H2AC21: variants seen among roughly 807,000 people sequenced by gnomAD.
H2AC21 encodes histone H2A type 2-B.
In H2AC21, 3 loss-of-function variants were observed where a neutral mutation model predicts 7.7. The ratio of observed to expected loss-of-function variants is 0.39; its 90% CI spans 0.18 to 1.01. H2AC21 has a LOEUF of 1.01. Among genes scored for constraint, H2AC21 ranks in the 50% least tolerant of loss-of-function variants. The pLI is 0.36. For synonymous variants in H2AC21, 119 were observed against 84.2 expected (o/e 1.41, Z -2.26); for missense variants, 173 against 177.9 (o/e 0.97, Z 0.16).
Position 149,887,965 on chromosome 1 carries a change from G to C in H2AC21, c.-49C>G. 1 of 1,559,878 alleles carries C rather than the reference G, an allele frequency of 6.4e-7. No individual in the cohort carries two copies. Among genetic ancestry groups the C allele is most frequent in the Non-Finnish European group, 8.7e-7 (1 of 1,154,340 alleles). On this transcript the variant is annotated 5_prime_UTR_variant, in exon 1 of 1. Transcript: ENST00000331128. ...CTTCTTTTACAAGGAGAAGAATGTG[G>C]AAAGAATAACCAATTTGATGTAATT... is the stretch of plus-strand genomic sequence containing the variant.
chr1:149,887,677 G>A lies in H2AC21; in HGVS notation c.240C>T (p.Ile80=), dbSNP rs148089352. 439 of 1,614,182 alleles carry A rather than the reference G, an allele frequency of 2.7e-4. No individual in the cohort carries two copies. The highest frequency in any genetic ancestry group is 5.8e-4 in the Admixed American group (35 of 60,018). Residue 80 remains isoleucine, a synonymous_variant, in exon 1 of 1, where the codon ATC becomes ATT. Coordinates refer to ENST00000331128, the MANE Select transcript of H2AC21 (RefSeq NM_175065.3). ...AARDNKKTRI[I]PRHLQLAVRN... ...TCACGGCTAGTTGCAGATGGCGAGGGATGATGCGCGTCTTCTTGTTGTCCC... is the reference window on the plus strand; with the variant it reads ...TCACGGCTAGTTGCAGATGGCGAGGAATGATGCGCGTCTTCTTGTTGTCCC...
chr1:149,887,547 G>C lies in H2AC21; in HGVS notation c.370C>G (p.His124Asp), dbSNP rs2092314653. 1 of 1,613,302 alleles carries C rather than the reference G, an allele frequency of 6.2e-7. No individual in the cohort carries two copies. The highest frequency in any genetic ancestry group is 1.3e-5 in the African/African-American group (1 of 74,808). The change falls in exon 1 of 1, where the codon CAC becomes GAC. Residue 124 changes from histidine (H) to aspartate (D), a missense_variant. His to Asp is a moderately conservative substitution (Grantham distance 81). Coordinates refer to ENST00000331128, the MANE Select transcript of H2AC21 (RefSeq NM_175065.3). ...AATTACTTGTTCTTGCCAGGCTTGT[G>C]ACTCTCCGTTTTCTTGGGCAACAGG... ...AVLLPKKTESHKPGKNK is the reference protein window; with the variant it reads ...AVLLPKKTESDKPGKNK
chr1:149,887,790 G>C lies in H2AC21; in HGVS notation c.127C>G (p.Arg43Gly), dbSNP rs377539347. The change falls in exon 1 of 1, where the codon CGG (arginine) becomes GGG (glycine). Residue 43 changes from arginine (R) to glycine (G), a missense_variant. By Grantham distance (125) the Arg-to-Gly change is moderately radical. Coordinates refer to ENST00000331128, the MANE Select transcript of H2AC21 (RefSeq NM_175065.3). ...RLLRKGNYAE[R>G]VGAGAPVYLA... ...TACACCGGGGCGCCTGCCCCGACCC[G>C]CTCCGCGTAGTTGCCTTTGCGCAGC... is the stretch of plus-strand genomic sequence containing the variant. The C allele has an allele frequency of 6.2e-7, 1 of 1,613,914 alleles. No individual in the cohort carries two copies. The highest frequency in any genetic ancestry group is 1.3e-5 in the African/African-American group (1 of 74,934).
rs782503721 is a variant in H2AC21, at chr1:149,887,517, C to T, written c.*7G>A. On this transcript the variant is annotated 3_prime_UTR_variant, in exon 1 of 1. Transcript: ENST00000331128. The stretch of plus-strand genomic sequence containing the variant: ...GGGGTGAATGAGTATGGTGTCAAGC[C>T]TCTTAATTACTTGTTCTTGCCAGGC... 1 of 1,607,192 alleles carries T rather than the reference C, an allele frequency of 6.2e-7. No individual in the cohort carries two copies. Among genetic ancestry groups the T allele is most frequent in the Non-Finnish European group, 8.5e-7 (1 of 1,175,960 alleles).
rs373976598 is a variant in H2AC21 at position 149,887,501 on chromosome 1, G to A, written c.*23C>T. On this transcript the variant is annotated 3_prime_UTR_variant, in exon 1 of 1. Coordinates refer to ENST00000331128, the MANE Select transcript of H2AC21 (RefSeq NM_175065.3). Reference sequence around the variant, plus strand: ...TCTTAAAAGAGCCTTTGGGGTGAATGAGTATGGTGTCAAGCCTCTTAATTA... The same window carrying A: ...TCTTAAAAGAGCCTTTGGGGTGAATAAGTATGGTGTCAAGCCTCTTAATTA... 1.9e-6 allele frequency: 3 copies of A among 1,593,102 alleles called. No homozygotes were observed. Among genetic ancestry groups the A allele is most frequent in the East Asian group, 2.2e-5 (1 of 44,652 alleles).
At position 149,887,607 on chromosome 1, in the gene H2AC21, C is replaced by T. The variant is rs2092315268; in HGVS notation, c.310G>A (p.Ala104Thr). 2 of 1,614,204 alleles carry T rather than the reference C, an allele frequency of 1.2e-6. No individual in the cohort carries two copies. Among genetic ancestry groups the T allele is most frequent in the Non-Finnish European group, 1.7e-6 (2 of 1,180,032 alleles). ...ATATTGGGCAAGACGCCGCCCTGGG[C>T]AATGGTGACACCCCCGAGTAACTTG... is the stretch of plus-strand genomic sequence containing the variant. The part of the protein sequence containing the change: ...LNKLLGGVTI[A>T]QGGVLPNIQA... Residue 104 changes from alanine to threonine, a missense_variant, in exon 1 of 1, where the codon GCC becomes ACC. Physicochemically the swap from Ala to Thr is moderately conservative, Grantham distance 58. Transcript: ENST00000331128.
In H2AC21 at chr1:149,887,832, C is replaced by T; in HGVS notation, c.85G>A (p.Gly29Arg). The change falls in exon 1 of 1, where the codon GGG (glycine) becomes AGG (arginine). Residue 29 changes from glycine (G) to arginine (R), a missense_variant. Gly to Arg is a moderately radical substitution (Grantham distance 125, BLOSUM62 -2). Coordinates refer to ENST00000331128, the MANE Select transcript of H2AC21 (RefSeq NM_175065.3). The part of the protein sequence containing the change: ...SSRAGLQFPV[G>R]RVHRLLRKGN... ...TTGCGCAGCAAGCGGTGCACTCGCC[C>T]CACCGGGAACTGGAGACCAGCGCGG... is the stretch of plus-strand genomic sequence containing the variant. 1 of 1,614,002 alleles carries T rather than the reference C, an allele frequency of 6.2e-7. No homozygotes were observed.
rs782680378 is a variant in H2AC21 at position 149,887,476 on chromosome 1, T to A, written c.*48A>T. 4.5e-6 allele frequency: 7 copies of A among 1,568,892 alleles called. No individual in the cohort carries two copies. On this transcript the variant is annotated 3_prime_UTR_variant, in exon 1 of 1. Coordinates refer to ENST00000331128, the MANE Select transcript of H2AC21 (RefSeq NM_175065.3). ...GCCCTTCATTTGACACTTTGGTGGC[T>A]CTTAAAAGAGCCTTTGGGGTGAATG... is the stretch of plus-strand genomic sequence containing the variant.
Position 149,887,539 on chromosome 1 carries a change from A to G in H2AC21, c.378T>C (p.Pro126=). 6.2e-7 allele frequency: 1 copy of G among 1,611,428 alleles called. No individual in the cohort carries two copies. Among genetic ancestry groups the G allele is most frequent in the Non-Finnish European group, 8.5e-7 (1 of 1,178,556 alleles). ...LLPKKTESHK[P]GKNK is the part of the protein sequence containing the mutation. The stretch of plus-strand genomic sequence containing the variant: ...AGCCTCTTAATTACTTGTTCTTGCC[A>G]GGCTTGTGACTCTCCGTTTTCTTGG... The change falls in exon 1 of 1, where the codon CCT becomes CCC. Residue 126 remains proline, a synonymous_variant. Transcript: ENST00000331128.
chr1:149,887,537 C>A lies in H2AC21; in HGVS notation c.380G>T (p.Gly127Val). The A allele has an allele frequency of 6.2e-7, 1 of 1,610,744 alleles. No individual in the cohort carries two copies. The highest frequency in any genetic ancestry group is 1.1e-5 in the South Asian group (1 of 90,660). Residue 127 changes from glycine (G) to valine (V), a missense_variant, in exon 1 of 1, where the codon GGC becomes GTC. Gly to Val is a moderately radical substitution (Grantham distance 109, BLOSUM62 -3). Transcript: ENST00000331128. The stretch of plus-strand genomic sequence containing the variant: ...CAAGCCTCTTAATTACTTGTTCTTG[C>A]CAGGCTTGTGACTCTCCGTTTTCTT... Reference protein sequence around the residue: ...LPKKTESHKPGKNK With the variant: ...LPKKTESHKPVKNK
In H2AC21 at chr1:149,887,506, T is replaced by G; in HGVS notation, c.*18A>C. ...AAAGAGCCTTTGGGGTGAATGAGTATGGTGTCAAGCCTCTTAATTACTTGT... is the reference window on the plus strand; with the variant it reads ...AAAGAGCCTTTGGGGTGAATGAGTAGGGTGTCAAGCCTCTTAATTACTTGT... On this transcript the variant is annotated 3_prime_UTR_variant, in exon 1 of 1. Coordinates refer to ENST00000331128, the MANE Select transcript of H2AC21 (RefSeq NM_175065.3). 6.3e-7 allele frequency: 1 copy of G among 1,598,614 alleles called. No homozygotes were observed. Among genetic ancestry groups the G allele is most frequent in the African/African-American group, 1.3e-5 (1 of 74,436 alleles).
Position 149,887,708 on chromosome 1 carries a change from G to C in H2AC21, c.209C>G (p.Ala70Gly). ...TAEILELAGN[A>G]ARDNKKTRII... is the part of the protein sequence containing the mutation. ...GCGCGTCTTCTTGTTGTCCCGAGCC[G>C]CGTTGCCCGCCAGCTCCAGAATTTC... The change falls in exon 1 of 1, where the codon GCG (alanine) becomes GGG (glycine). Residue 70 changes from alanine (A) to glycine (G), a missense_variant. Transcript: ENST00000331128. 5 of 1,614,188 alleles carry C rather than the reference G, an allele frequency of 3.1e-6. No homozygotes were observed. Among genetic ancestry groups the C allele is most frequent in the Non-Finnish European group, 4.2e-6 (5 of 1,180,038 alleles).
chr1:149,887,907 G>C lies in H2AC21; in HGVS notation c.10C>G (p.Arg4Gly). 6.2e-7 allele frequency: 1 copy of C among 1,611,280 alleles called. No individual in the cohort carries two copies. The highest frequency in any genetic ancestry group is 8.5e-7 in the Non-Finnish European group (1 of 1,178,702). Residue 4 changes from arginine (R) to glycine (G), a missense_variant, in exon 1 of 1, where the codon CGC (arginine) becomes GGC (glycine). Physicochemically the swap from Arg to Gly is moderately radical, Grantham distance 125 (BLOSUM62 -2). Transcript: ENST00000331128. ...CGGGCCTTGCCTCCCTGCTTTCCGC[G>C]TCCTGACATTACGGCTAAAATTGCA... MSGRGKQGGKARAK... is the reference protein window; with the variant it reads MSGGGKQGGKARAK...
Position 149,887,838 on chromosome 1 carries a change from G to C in H2AC21, c.79C>G (p.Pro27Ala). The C allele has an allele frequency of 6.2e-7, 1 of 1,614,022 alleles. No homozygotes were observed. ...SRSSRAGLQF[P>A]VGRVHRLLRK... ...AGCAAGCGGTGCACTCGCCCCACCG[G>C]GAACTGGAGACCAGCGCGGGACGAG... The change falls in exon 1 of 1, where the codon CCG (proline) becomes GCG (alanine). Residue 27 changes from proline (P) to alanine (A), a missense_variant. By Grantham distance (27) the Pro-to-Ala change is conservative. Transcript: ENST00000331128.
chr1:149,887,481 A>G lies in H2AC21; in HGVS notation c.*43T>C, dbSNP rs1416621689. 4 of 1,571,262 alleles carry G rather than the reference A, an allele frequency of 2.5e-6. No individual in the cohort carries two copies. Among genetic ancestry groups the G allele is most frequent in the African/African-American group, 2.7e-5 (2 of 72,958 alleles). On this transcript the variant is annotated 3_prime_UTR_variant, in exon 1 of 1. Transcript: ENST00000331128. ...TCATTTGACACTTTGGTGGCTCTTA[A>G]AAGAGCCTTTGGGGTGAATGAGTAT...
In H2AC21 at chr1:149,887,535, T is replaced by G; in HGVS notation, c.382A>C (p.Lys128Gln). ...PKKTESHKPG[K>Q]NK Reference sequence around the variant, plus strand: ...GTCAAGCCTCTTAATTACTTGTTCTTGCCAGGCTTGTGACTCTCCGTTTTC... The same window carrying G: ...GTCAAGCCTCTTAATTACTTGTTCTGGCCAGGCTTGTGACTCTCCGTTTTC... Residue 128 changes from lysine to glutamine, a missense_variant, in exon 1 of 1, where the codon AAG becomes CAG. By Grantham distance (53) the Lys-to-Gln change is moderately conservative. Transcript: ENST00000331128. 1 of 1,611,578 alleles carries G rather than the reference T, an allele frequency of 6.2e-7. No homozygotes were observed. Among genetic ancestry groups the G allele is most frequent in the Non-Finnish European group, 8.5e-7 (1 of 1,178,506 alleles).
rs1553760205 is a variant in H2AC21, at chr1:149,887,949, CAAGGAGAAG to C, written c.-42_-34del. 2 of 1,589,188 alleles carry C rather than the reference CAAGGAGAAG, an allele frequency of 1.3e-6. No individual in the cohort carries two copies. The highest frequency in any genetic ancestry group is 1.7e-6 in the Non-Finnish European group (2 of 1,168,394). On this transcript the variant is annotated 5_prime_UTR_variant, in exon 1 of 1. Transcript: ENST00000331128. Reference sequence around the variant, plus strand: ...AAAATTGCAGTTACAGCTTCTTTTACAAGGAGAAGAATGTGGAAAGAATAACCAATTTGA... The same window carrying C: ...AAAATTGCAGTTACAGCTTCTTTTACAATGTGGAAAGAATAACCAATTTGA...
In H2AC21 at chr1:149,887,965, G is replaced by A. The variant is rs782752442; in HGVS notation, c.-49C>T. 1.9e-5 allele frequency: 30 copies of A among 1,559,876 alleles called. No individual in the cohort carries two copies. The highest frequency in any genetic ancestry group is 2.4e-5 in the South Asian group (2 of 84,248). ...CTTCTTTTACAAGGAGAAGAATGTG[G>A]AAAGAATAACCAATTTGATGTAATT... is the stretch of plus-strand genomic sequence containing the variant. On this transcript the variant is annotated 5_prime_UTR_variant, in exon 1 of 1. Coordinates refer to ENST00000331128, the MANE Select transcript of H2AC21 (RefSeq NM_175065.3).
chr1:149,887,883 G>A lies in H2AC21; in HGVS notation c.34C>T (p.Arg12Cys). 6.2e-7 allele frequency: 1 copy of A among 1,613,418 alleles called. No individual in the cohort carries two copies. The highest frequency in any genetic ancestry group is 8.5e-7 in the Non-Finnish European group (1 of 1,179,626). Residue 12 changes from arginine to cysteine, a missense_variant, in exon 1 of 1, where the codon CGC becomes TGC. Physicochemically the swap from Arg to Cys is radical, Grantham distance 180. Transcript: ENST00000331128. ...GACGAGCGCGACTTGGCCTTAGCGC[G>A]GGCCTTGCCTCCCTGCTTTCCGCGT... Reference protein sequence around the residue: ...SGRGKQGGKARAKAKSRSSRA... With the variant: ...SGRGKQGGKACAKAKSRSSRA...
Sources: allele counts gnomAD v4.1 joint callset, GRCh38; gene constraint gnomAD v4.1.1; transcripts MANE v1.5; gene names NCBI Gene and HGNC (gene_info 2026-07-23, HGNC 2026-07-21).